The following ATG7 variants were observed in gnomAD, a reference collection of about 807,000 sequenced individuals.
ATG7 encodes the protein ubiquitin-like modifier-activating enzyme ATG7.
In ATG7, 70 loss-of-function variants were observed where a neutral mutation model predicts 82.4. That is an observed-to-expected ratio of 0.85 (90% CI 0.70 to 1.04). The LOEUF is 1.04. Ranked by LOEUF, ATG7 falls within the 50% of genes least tolerant of loss-of-function variation. The pLI is 0.00. For synonymous variants in ATG7, 287 were observed against 313.0 expected (o/e 0.92, Z 0.88); for missense variants, 792 against 864.3 (o/e 0.92, Z 1.05).
chr3:11,545,795 C>T (rs1174238133), intron 20 of ATG7, among the ~76,000 whole-genome samples: 3 of 152,214 alleles, frequency 2.0e-5, no homozygotes, highest in Non-Finnish European at 2.9e-5. Flanking sequence ...TCCCTGTAGC[C>T]ACCCCCTGGC....
intron 20 of ATG7, among the ~76,000 whole-genome samples, chr3:11,482,502 G>A (rs1470533626): frequency 6.6e-6 from 1 of 152,140 alleles, no homozygotes. Context: ...AGTTGTATCT[G>A]GGGGCTGTCA....
rs184802139 is a variant in ATG7, at chr3:11,430,615, A to G, written c.2079+3689A>G. On this transcript the variant is annotated intron_variant, in intron 20 of 20. Coordinates refer to ENST00000693202, the MANE Select transcript of ATG7 (RefSeq NM_001349232.2). ...TGTTTATAAAATACGTGTTTAAAAA[A>G]TATACTGAACATCTTTTGAAAATCT... Among the ~76,000 whole-genome samples, 57 of 152,364 alleles carry G rather than the reference A, an allele frequency of 3.7e-4. 1 individual carries two copies. Among genetic ancestry groups the G allele is most frequent in the African/African-American group, 1.3e-3 (56 of 41,596 alleles).
At chr3:11,496,147 G>C (rs754505892) in intron 20 of ATG7, among the ~76,000 whole-genome samples, 17 of 152,142 alleles carry the variant, frequency 1.1e-4, no homozygotes, top group Non-Finnish European at 2.9e-5. Flanking sequence ...AAAGGAGGAC[G>C]TTATCGCTCT....
intron 10 of ATG7, among the ~76,000 whole-genome samples, chr3:11,332,402 A>G (rs1951779775): frequency 1.3e-5 from 2 of 152,240 alleles, no homozygotes; most frequent in Admixed American, 6.5e-5. Flanking sequence ...GGCATAAGAC[A>G]GCCTTCTTTA....
intron 19 of ATG7, among the ~76,000 whole-genome samples, chr3:11,409,195 T>TTGTA (rs2080651951): frequency 6.6e-6 from 1 of 152,250 alleles, no homozygotes. Flanking sequence ...TGACTTATAA[T>TTGTA]AGTTTGACTT....
At chr3:11,298,938 G>C in intron 4 of ATG7, 83 bp downstream of exon 4, 2 of 1,466,010 alleles carry the variant, frequency 1.4e-6, no homozygotes, top group Non-Finnish European at 1.9e-6. Flanking sequence ...CCTTTAGAAA[G>C]AGACAGCCTT....
chr3:11,406,168 T>G (rs1320649878), intron 19 of ATG7, among the ~76,000 whole-genome samples: 1 of 152,122 alleles, frequency 6.6e-6, no homozygotes, highest in East Asian at 1.9e-4. Context: ...TTTTGTATTT[T>G]TGGTAGAAAT....
chr3:11,534,658 G>A (rs926242935), intron 20 of ATG7, among the ~76,000 whole-genome samples: 11 of 152,246 alleles, frequency 7.2e-5, no homozygotes, highest in Non-Finnish European at 1.5e-4. Flanking sequence ...AGGACATGGA[G>A]TTGGGCCCCA....
chr3:11,320,020 A>T (rs1481229667), intron 9 of ATG7, among the ~76,000 whole-genome samples: 1 of 152,166 alleles, frequency 6.6e-6, no homozygotes, highest in Admixed American at 6.5e-5. Flanking sequence ...TAGGGGCTAA[A>T]TTCTTTAATA....
At chr3:11,273,493 G>A (rs1940984260) in intron 1 of ATG7, among the ~76,000 whole-genome samples, 1 of 152,086 alleles carries the variant, frequency 6.6e-6, no homozygotes, top group African/African-American at 2.4e-5. Flanking sequence ...CTGCTAGTTT[G>A]TCTTCCTCTT....
At chr3:11,496,323 A>G (rs1417536569) in intron 20 of ATG7, among the ~76,000 whole-genome samples, 1 of 152,140 alleles carries the variant, frequency 6.6e-6, no homozygotes, top group Non-Finnish European at 1.5e-5. Flanking sequence ...ACCTGTAAGG[A>G]GCAGTGGGAG....
intron 19 of ATG7, among the ~76,000 whole-genome samples, chr3:11,389,565 A>G (rs1368324251): frequency 1.3e-5 from 2 of 152,106 alleles, no homozygotes; most frequent in Non-Finnish European, 2.9e-5. Context: ...TAAAACGGGA[A>G]AATACCGCCT....
intron 6 of ATG7, 150 bp downstream of exon 6, chr3:11,307,210 G>GAAT: frequency 1.3e-6 from 1 of 759,028 alleles, no homozygotes; most frequent in Non-Finnish European, 2.2e-6. Context: ...TCTCCAGAGA[G>GAAT]AATACTCCCA....
rs866745070 is a variant in ATG7 at position 11,358,273 on chromosome 3, C to T, written c.1285-145C>T. On this transcript the variant is annotated intron_variant, in intron 14 of 20. Transcript: ENST00000693202. ...ATGCAGAGGTGAAGAAGAGAGAGGG[C>T]GTGGGAAGGGTGCAGCATAATAGTG... 4.4e-5 allele frequency: 34 copies of T among 774,890 alleles called. No individual in the cohort carries two copies. The South Asian group carries it at 4.5e-4, about 10-fold the overall frequency. The allele number at this position is 774,890 out of a possible 1,614,324, so 48.0% of individuals were successfully genotyped here.
chr3:11,452,004 C>A (rs936300815), intron 20 of ATG7, among the ~76,000 whole-genome samples: 1 of 134,770 alleles, frequency 7.4e-6, no homozygotes, highest in Admixed American at 7.9e-5. Flanking sequence ...GATTCATGGT[C>A]ACCAGGGACT....
intron 20 of ATG7, among the ~76,000 whole-genome samples, chr3:11,493,172 G>C (rs2090534426): frequency 6.6e-6 from 1 of 152,158 alleles, no homozygotes; most frequent in South Asian, 2.1e-4. Flanking sequence ...TCTCAGTGGA[G>C]AGGGGAGCTG....
At chr3:11,345,817 G>T (rs1466492510) in intron 13 of ATG7, among the ~76,000 whole-genome samples, 5 of 151,228 alleles carry the variant, frequency 3.3e-5, no homozygotes, top group Non-Finnish European at 7.4e-5. Context: ...CTTTTTCTAG[G>T]TTCTAGAATT....
chr3:11,282,004 C>T (rs1943151149), intron 2 of ATG7, among the ~76,000 whole-genome samples, 189 bp from the exon 3 acceptor site: 1 of 152,180 alleles, frequency 6.6e-6, no homozygotes, highest in East Asian at 1.9e-4. Flanking sequence ...TGGCATAGGG[C>T]TCCACAGTGA....
chr3:11,309,128 T>C (rs531660006), intron 7 of ATG7, 67 bp downstream of exon 7: 143 of 1,387,590 alleles, frequency 1.0e-4, no homozygotes, highest in South Asian at 4.6e-4. Context: ...AGTGTACCAG[T>C]AGAACAGTCT....
Sources: gnomAD v4.1 joint callset for allele counts (sites outside exome capture counted in the v4.1 genomes callset) on GRCh38, gnomAD v4.1.1 for gene constraint, MANE v1.5 for transcripts, NCBI Gene and HGNC (gene_info 2026-07-23, HGNC 2026-07-21) for gene names.